Variants in NRG1 observed in about 807,000 individuals in gnomAD.
NRG1 encodes pro-neuregulin-1, membrane-bound isoform.
In NRG1, 18 loss-of-function variants were observed where a neutral mutation model predicts 63.8. That is an observed-to-expected ratio of 0.28 (90% CI 0.19 to 0.42). The LOEUF is 0.42. NRG1 is among the 10% of genes least tolerant of loss of function. The pLI, the probability that NRG1 is intolerant of heterozygous loss-of-function variation, is 1.00. For missense variants in NRG1, 762 were observed against 814.7 expected (o/e 0.94, Z 0.79); for synonymous variants, 302 against 301.3 (o/e 1.00, Z -0.02).
At chr8:32,215,009 A>G (rs867936954) in intron 1 of NRG1, among the ~76,000 whole-genome samples, 1 of 152,222 alleles carries the variant, frequency 6.6e-6, no homozygotes, top group Non-Finnish European at 1.5e-5. Context: ...ATCCCTTAGG[A>G]CAGGGTTGCC....
intron 1 of NRG1, among the ~76,000 whole-genome samples, chr8:32,532,331 G>A (rs1831533854): frequency 6.6e-6 from 1 of 151,992 alleles, no homozygotes; most frequent in African/African-American, 2.4e-5. Flanking sequence ...GCTAGTATGT[G>A]CTATAAGTGT....
intron 1 of NRG1, among the ~76,000 whole-genome samples, chr8:31,717,129 G>A (rs770585944): frequency 6.6e-6 from 1 of 152,102 alleles, no homozygotes; most frequent in African/African-American, 2.4e-5. Context: ...GATTTTCACC[G>A]GGTGCAGTGG....
intron 1 of NRG1, among the ~76,000 whole-genome samples, chr8:32,310,832 T>C (rs1271281809): frequency 6.6e-6 from 1 of 152,182 alleles, no homozygotes; most frequent in African/African-American, 2.4e-5. Context: ...CTTCACTTCA[T>C]GCCCCGACCA....
At chr8:32,151,625 G>T (rs1418018600) in intron 1 of NRG1, among the ~76,000 whole-genome samples, 1 of 152,166 alleles carries the variant, frequency 6.6e-6, no homozygotes, top group Non-Finnish European at 1.5e-5. Flanking sequence ...CTCTATACTT[G>T]CTGGGGAAAT....
chr8:32,513,942 A>C (rs1392716826), intron 1 of NRG1, among the ~76,000 whole-genome samples: 1 of 152,168 alleles, frequency 6.6e-6, no homozygotes, highest in African/African-American at 2.4e-5. Flanking sequence ...AAAATGCTGT[A>C]ACAGTATTTT....
intron 1 of NRG1, among the ~76,000 whole-genome samples, chr8:31,736,819 AGTT>A (rs1364852466): frequency 1.3e-5 from 2 of 152,188 alleles, no homozygotes; most frequent in Non-Finnish European, 2.9e-5. Context: ...GATAAGTAGC[AGTT>A]GTTATTTGTC....
chr8:32,697,695 G>C (rs1813720635), intron 5 of NRG1, among the ~76,000 whole-genome samples: 1 of 152,188 alleles, frequency 6.6e-6, no homozygotes, highest in Non-Finnish European at 1.5e-5. Flanking sequence ...GAGCAAATTA[G>C]AGACCAATAA....
In NRG1 at chr8:32,581,339, A is replaced by G. The variant is rs1376127940; in HGVS notation, c.101-14489A>G. On this transcript the variant is annotated intron_variant, in intron 1 of 11. Coordinates refer to ENST00000356819, the Ensembl canonical transcript of NRG1. The stretch of plus-strand genomic sequence containing the variant: ...TGTTTGGCTAGGAACAGACCATATC[A>G]TGGGCTAATATGATAGAGTAATAAA... Among the ~76,000 whole-genome samples, 7 of 152,354 alleles carry G rather than the reference A, an allele frequency of 4.6e-5. No homozygotes were observed. The East Asian group carries it at 1.4e-3, about 29-fold the overall frequency.
chr8:32,128,954 AACTCCT>A (rs532657577), intron 1 of NRG1, among the ~76,000 whole-genome samples: 139 of 151,952 alleles, frequency 9.1e-4, no homozygotes, highest in African/African-American at 3.3e-3. Context: ...TTTCTAGGCT[AACTCCT>A]ACTCATCCTC....
At chr8:31,746,460 A>G (rs1395071885) in intron 1 of NRG1, among the ~76,000 whole-genome samples, 1 of 151,974 alleles carries the variant, frequency 6.6e-6, no homozygotes, top group Non-Finnish European at 1.5e-5. Flanking sequence ...CTGTGCTTAG[A>G]TGCTGAACGT....
chr8:31,650,836 T>A (rs1223158411), intron 1 of NRG1, among the ~76,000 whole-genome samples: 6 of 152,166 alleles, frequency 3.9e-5, no homozygotes, highest in African/African-American at 1.2e-4. Context: ...TGGCCTCGAG[T>A]CAGAAGAATC....
chr8:32,134,679 A>G (rs1280698025), intron 1 of NRG1, among the ~76,000 whole-genome samples: 1 of 152,164 alleles, frequency 6.6e-6, no homozygotes, highest in Non-Finnish European at 1.5e-5. Context: ...AAGTTCACAC[A>G]TGCAAGATAT....
At chr8:32,156,068 G>T (rs1838027810) in intron 1 of NRG1, among the ~76,000 whole-genome samples, 1 of 152,146 alleles carries the variant, frequency 6.6e-6, no homozygotes, top group African/African-American at 2.4e-5. Context: ...TTAAAGACCC[G>T]ATTCCAGAAC....
intron 1 of NRG1, among the ~76,000 whole-genome samples, chr8:31,885,586 G>A (rs1258246072): frequency 6.6e-6 from 1 of 152,078 alleles, no homozygotes. Context: ...TCCCGCAGTG[G>A]CACTCTCATC....
intron 1 of NRG1, among the ~76,000 whole-genome samples, chr8:31,829,906 A>T (rs1824943780): frequency 6.6e-6 from 1 of 152,190 alleles, no homozygotes; most frequent in South Asian, 2.1e-4. Flanking sequence ...CCATAGATAG[A>T]TATTTTCTAT....
chr8:31,918,178 A>C (rs1218379326), intron 1 of NRG1, among the ~76,000 whole-genome samples: 2 of 152,106 alleles, frequency 1.3e-5, no homozygotes, highest in Admixed American at 6.5e-5. Flanking sequence ...TCTTTTCCTA[A>C]TTGAATACCC....
intron 1 of NRG1, among the ~76,000 whole-genome samples, chr8:32,049,109 T>A (rs1247352097): frequency 9.2e-5 from 14 of 152,086 alleles, no homozygotes; most frequent in Non-Finnish European, 1.2e-4. Context: ...TGATCTGAAT[T>A]TAACACTGGA....
intron 1 of NRG1, among the ~76,000 whole-genome samples, chr8:32,169,138 A>C (rs1364164805): frequency 1.3e-5 from 2 of 152,188 alleles, no homozygotes; most frequent in African/African-American, 4.8e-5. Context: ...TGATGGGTAC[A>C]TCACACACCC....
intron 1 of NRG1, among the ~76,000 whole-genome samples, chr8:32,511,398 T>TATATATATATATATATATATAC (rs1829205513): frequency 7.1e-6 from 1 of 140,406 alleles, no homozygotes; most frequent in Non-Finnish European, 1.5e-5. Context: ...TATATATATA[T>TATATATATATATATATATATAC]AAATAAAATA....
Sources: allele counts gnomAD v4.1 joint callset (sites outside exome capture counted in the v4.1 genomes callset), GRCh38; gene constraint gnomAD v4.1.1; transcripts MANE v1.5; gene names NCBI Gene and HGNC (gene_info 2026-07-23, HGNC 2026-07-21).